SYT14: variants seen among roughly 807,000 people sequenced by gnomAD.
The protein encoded by SYT14 is synaptotagmin-14.
A neutral mutation model predicts 74.2 loss-of-function variants in SYT14; 32 were observed. The observed-to-expected ratio is 0.43, with a 90% CI of 0.33 to 0.58. SYT14 has a LOEUF of 0.58. Ranked by LOEUF, SYT14 falls within the 20% of genes least tolerant of loss-of-function variation. The probability of loss-of-function intolerance (pLI) is 0.05; values close to 1 mark genes in which losing one functional copy is unlikely to be tolerated. For synonymous variants in SYT14, 298 were observed against 337.7 expected (o/e 0.88, Z 1.29); for missense variants, 791 against 981.8 (o/e 0.81, Z 2.60).
Position 210,137,681 on chromosome 1 carries a change from C to CTT in SYT14, c.2035-18025_2035-18024dup, listed in dbSNP as rs397717067. Among the ~76,000 whole-genome samples the CTT allele has an allele frequency of 1.6e-3, 216 of 135,390 alleles. 2 individuals carry two copies. The highest frequency in any genetic ancestry group is 8.6e-3 in the East Asian group (40 of 4,642). 88.8% of individuals were successfully genotyped at this position (135,390 alleles called of 152,430 possible). ...TTCTGGAAATGTTTGCTTCAAATTT[C>CTT]TTTTTTTTTTTTTTTTGAAATGGAG... On this transcript the variant is annotated intron_variant, in intron 7 of 9. Transcript: ENST00000637265.
chr1:210,111,401 A>G lies in SYT14; in HGVS notation c.2034+10940A>G, dbSNP rs535806911. On this transcript the variant is annotated intron_variant, in intron 7 of 9. Transcript: ENST00000637265. Reference sequence around the variant, plus strand: ...TTTTCACTTCTTTTGTCATTCAGTTACTTCAGGCCATCTGGATGTATACAT... The same window carrying G: ...TTTTCACTTCTTTTGTCATTCAGTTGCTTCAGGCCATCTGGATGTATACAT... Among the ~76,000 whole-genome samples, 503 of 150,864 alleles carry G rather than the reference A, an allele frequency of 3.3e-3. 8 individuals carry two copies. The highest frequency in any genetic ancestry group is 5.9e-3 in the Non-Finnish European group (403 of 68,024).
At chr1:210,106,365 C>A (rs2082157509) in intron 7 of SYT14, among the ~76,000 whole-genome samples, 1 of 152,108 alleles carries the variant, frequency 6.6e-6, no homozygotes, top group African/African-American at 2.4e-5. Context: ...CTTTATACTC[C>A]CATCAGTCAG....
At chr1:210,064,454 C>G (rs2081261516) in intron 5 of SYT14, among the ~76,000 whole-genome samples, 2 of 151,896 alleles carry the variant, frequency 1.3e-5, no homozygotes, top group African/African-American at 4.8e-5. Context: ...CCTTGGTAAC[C>G]ACTATTCTAT....
chr1:209,958,026 C>G (rs774035328), intron 2 of SYT14, among the ~76,000 whole-genome samples: 1 of 151,964 alleles, frequency 6.6e-6, no homozygotes, highest in Non-Finnish European at 1.5e-5. Context: ...CATAGCAATT[C>G]CGTTACTTTA....
At chr1:210,103,004 A>G (rs2082096242) in intron 7 of SYT14, among the ~76,000 whole-genome samples, 1 of 152,118 alleles carries the variant, frequency 6.6e-6, no homozygotes, top group Non-Finnish European at 1.5e-5. Context: ...ATAATCACTT[A>G]TTATTGTTGT....
rs985132184 is a variant in SYT14, at chr1:210,017,089, A to G, written c.1086A>G (p.Ile362Met). Residue 362 changes from isoleucine to methionine, a missense_variant, in exon 4 of 10, where the codon ATA becomes ATG. Ile to Met is a conservative substitution (Grantham distance 10, BLOSUM62 1). Transcript: ENST00000637265. ...AAGATGAAAAATATTCTAAGATAAT[A>G]CCAGAAAAAGGTGAGGTCTCCTAAT... is the stretch of plus-strand genomic sequence containing the variant. The G allele has an allele frequency of 3.7e-5, 46 of 1,231,590 alleles. No individual in the cohort carries two copies. The Middle Eastern group carries it at 2.2e-3, about 58-fold the overall frequency. The allele number at this position is 1,231,590 out of a possible 1,614,324, so 76.3% of individuals were successfully genotyped here.
chr1:209,947,991 T>A, intron 1 of SYT14, among the ~76,000 whole-genome samples: 1 of 152,286 alleles, frequency 6.6e-6, no homozygotes, highest in South Asian at 2.1e-4. Flanking sequence ...ATAAATTATT[T>A]TTAAATTAAG....
intron 5 of SYT14, among the ~76,000 whole-genome samples, chr1:210,025,003 A>G (rs1198064105): frequency 6.6e-6 from 1 of 152,144 alleles, no homozygotes; most frequent in East Asian, 1.9e-4. Flanking sequence ...TAAGGAGAGT[A>G]TAAGTGGTAA....
intron 7 of SYT14, among the ~76,000 whole-genome samples, chr1:210,122,947 G>A (rs192503228): frequency 1.4e-3 from 208 of 152,206 alleles, no homozygotes; most frequent in Non-Finnish European, 2.7e-3. Flanking sequence ...TAATAGATTT[G>A]CATAACAAAG....
At chr1:210,044,557 TA>T (rs1433985939) in intron 5 of SYT14, among the ~76,000 whole-genome samples, 1 of 152,238 alleles carries the variant, frequency 6.6e-6, no homozygotes, top group African/African-American at 2.4e-5. Context: ...GGCAATGTGA[TA>T]GATATGTTCT....
intron 7 of SYT14, among the ~76,000 whole-genome samples, chr1:210,138,393 A>G (rs915954927): frequency 6.6e-6 from 1 of 152,192 alleles, no homozygotes; most frequent in African/African-American, 2.4e-5. Flanking sequence ...TGTGGGGATT[A>G]TGGGAGCTAC....
At chr1:209,949,614 A>G (rs931704851) in intron 1 of SYT14, among the ~76,000 whole-genome samples, 1 of 151,934 alleles carries the variant, frequency 6.6e-6, no homozygotes, top group African/African-American at 2.4e-5. Context: ...CAATAATGTA[A>G]TAAATTTATA....
intron 5 of SYT14, among the ~76,000 whole-genome samples, chr1:210,051,482 T>G (rs1034595350): frequency 2.6e-5 from 4 of 152,198 alleles, no homozygotes; most frequent in African/African-American, 9.6e-5. Context: ...TATACTCAGA[T>G]AAATCCCATT....
chr1:210,165,490 C>T (rs1205463234), exon 10 of SYT14: 2 of 152,162 alleles, frequency 1.3e-5, no homozygotes, highest in Non-Finnish European at 2.9e-5. Context: ...CAGTTCTGCT[C>T]CTTGACCACT....
chr1:209,952,647 T>A (rs1186696417), intron 1 of SYT14, 62 bp from the exon 2 acceptor site: 3 of 1,407,878 alleles, frequency 2.1e-6, no homozygotes, highest in Non-Finnish European at 3.0e-6. Flanking sequence ...AATGATTCTT[T>A]GTAACAGTCA....
At position 209,979,609 on chromosome 1, in the gene SYT14, C is replaced by T. The variant is rs576279193; in HGVS notation, c.-486+26853C>T. ...CTTGGTGCTTTCCCTCCTGCTGCCC[C>T]CTACTCTCCAACAGGCCCCAGTGTG... is the stretch of plus-strand genomic sequence containing the variant. On this transcript the variant is annotated intron_variant, in intron 2 of 9. Coordinates refer to ENST00000637265, the Ensembl canonical transcript of SYT14. 1.7e-4 allele frequency among the ~76,000 whole-genome samples: 26 copies of T among 152,198 alleles called. 1 individual carries two copies. Among genetic ancestry groups the T allele is most frequent in the East Asian group, 1.5e-3 (8 of 5,168 alleles).
chr1:210,015,071 T>C (rs2080156596), intron 3 of SYT14, among the ~76,000 whole-genome samples: 1 of 119,188 alleles, frequency 8.4e-6, no homozygotes. Context: ...AATATAAATA[T>C]CATCTTTAAA....
At chr1:210,036,978 G>GT (rs1226650658) in intron 5 of SYT14, among the ~76,000 whole-genome samples, 2 of 151,756 alleles carry the variant, frequency 1.3e-5, no homozygotes, top group Non-Finnish European at 2.9e-5. Context: ...TTTCTTCTTG[G>GT]TTTTTTGGAA....
At chr1:210,142,058 C>T (rs2082926726) in intron 7 of SYT14, among the ~76,000 whole-genome samples, 1 of 152,192 alleles carries the variant, frequency 6.6e-6, no homozygotes, top group African/African-American at 2.4e-5. Context: ...TAGTTCTTAT[C>T]AATCTGAGTC....
Sources: gnomAD v4.1 joint callset for allele counts (sites outside exome capture counted in the v4.1 genomes callset) on GRCh38, gnomAD v4.1.1 for gene constraint, MANE v1.5 for transcripts, NCBI Gene and HGNC (gene_info 2026-07-23, HGNC 2026-07-21) for gene names.